The following PHF24 variants were observed in gnomAD, a reference collection of about 807,000 sequenced individuals.
PHF24 encodes the protein Galpha inhibitory interacting protein.
Under a neutral mutation model 42.6 loss-of-function variants are expected in PHF24, and 25 were observed. The ratio of observed to expected loss-of-function variants is 0.59; its 90% confidence interval spans 0.43 to 0.82. The LOEUF is 0.82. Ranked by LOEUF, PHF24 falls within the 40% of genes least tolerant of loss-of-function variation. The pLI, the probability that PHF24 is intolerant of heterozygous loss-of-function variation, is 0.00. For missense variants in PHF24, 470 were observed against 538.1 expected (o/e 0.87, Z 1.25); for synonymous variants, 185 against 204.8 (o/e 0.90, Z 0.83).
the PHF24 span, among the ~76,000 whole-genome samples, chr9:34,791,333 G>C: frequency 3.9e-5 from 6 of 152,174 alleles, no homozygotes; most frequent in Admixed American, 1.3e-4. Context: ...CTGAGTAACT[G>C]GGTGAAAGGA....
chr9:34,893,904 T>G, the PHF24 span, among the ~76,000 whole-genome samples: 1 of 152,226 alleles, frequency 6.6e-6, no homozygotes. Context: ...CTCTGCATTC[T>G]GAGAGCTATT....
At chr9:34,977,975 C>T (rs1478036575) in intron 7 of PHF24, 40 bp from the exon 8 acceptor site, 2 of 1,533,592 alleles carry the variant, frequency 1.3e-6, no homozygotes, top group Non-Finnish European at 1.8e-6. Context: ...CACGTGTCTT[C>T]AAACCAGCCT....
At chr9:34,966,207 C>T (rs752290825) in intron 1 of PHF24, among the ~76,000 whole-genome samples, 6 of 152,308 alleles carry the variant, frequency 3.9e-5, no homozygotes, top group Admixed American at 1.3e-4. Flanking sequence ...CCCCTCCTCC[C>T]GGAGTTTCTG....
chr9:34,798,205 TAA>T, the PHF24 span, among the ~76,000 whole-genome samples: 1 of 152,206 alleles, frequency 6.6e-6, no homozygotes, highest in Non-Finnish European at 1.5e-5. Context: ...TCTGTTAATA[TAA>T]GTCATAATTT....
chr9:34,977,955 G>T, intron 7 of PHF24, 60 bp from the exon 8 acceptor site: 2 of 1,308,544 alleles, frequency 1.5e-6, no homozygotes, highest in Non-Finnish European at 1.1e-6. Context: ...CTGCCCCTGG[G>T]ATCAGGGCTC....
At chr9:34,832,973 T>G in the PHF24 span, 3 of 1,551,684 alleles carry the variant, frequency 1.9e-6, no homozygotes, top group Non-Finnish European at 2.6e-6. Context: ...GGGGCTGTGT[T>G]GACAGGGATC....
At chr9:34,784,408 T>A in the PHF24 span, among the ~76,000 whole-genome samples, 3 of 152,230 alleles carry the variant, frequency 2.0e-5, no homozygotes, top group African/African-American at 7.2e-5. Context: ...TTAAATGTAC[T>A]ATGACCTTTT....
the PHF24 span, among the ~76,000 whole-genome samples, chr9:34,936,375 A>G: frequency 1.6e-4 from 25 of 152,086 alleles, no homozygotes; most frequent in Non-Finnish European, 2.8e-4. Flanking sequence ...TCAGTGCTCA[A>G]TGGTGCCCAG....
At chr9:34,832,802 C>T in the PHF24 span, 19 of 1,551,384 alleles carry the variant, frequency 1.2e-5, no homozygotes, top group South Asian at 2.3e-4. Context: ...AAGGCTGACC[C>T]TGTGAAGCTG....
At chr9:34,812,949 C>G in the PHF24 span, among the ~76,000 whole-genome samples, 1 of 152,200 alleles carries the variant, frequency 6.6e-6, no homozygotes, top group Non-Finnish European at 1.5e-5. Flanking sequence ...CCCCATCCCC[C>G]ACCTGACATT....
the PHF24 span, among the ~76,000 whole-genome samples, chr9:34,752,702 CT>C: frequency 1.3e-5 from 2 of 152,152 alleles, no homozygotes; most frequent in Non-Finnish European, 2.9e-5. Context: ...CAGTATTACC[CT>C]GACACCAAAA....
At chr9:34,962,844 T>G (rs1371889205) in intron 1 of PHF24, among the ~76,000 whole-genome samples, 1 of 152,230 alleles carries the variant, frequency 6.6e-6, no homozygotes, top group African/African-American at 2.4e-5. Flanking sequence ...CATGCCATAA[T>G]TTTGCTCTCA....
chr9:34,773,443 G>A, the PHF24 span, among the ~76,000 whole-genome samples: 1 of 152,054 alleles, frequency 6.6e-6, no homozygotes, highest in Non-Finnish European at 1.5e-5. Flanking sequence ...AAAAAAATTG[G>A]TGGAGATGTC....
At chr9:34,703,830 A>T in the PHF24 span, among the ~76,000 whole-genome samples, 67,692 of 151,362 alleles carry the variant, frequency 0.45, 16,196 homozygotes, top group African/African-American at 0.63. Context: ...CCTCCCAAAG[A>T]GCTGAGATTA....
the PHF24 span, among the ~76,000 whole-genome samples, chr9:34,823,822 C>T: frequency 0.049 from 7,412 of 152,182 alleles, 584 homozygotes; most frequent in African/African-American, 0.17. Context: ...CTGAGCCACA[C>T]ATGACTTCAG....
At chr9:34,942,654 T>C in the PHF24 span, among the ~76,000 whole-genome samples, 1 of 152,144 alleles carries the variant, frequency 6.6e-6, no homozygotes, top group African/African-American at 2.4e-5. Context: ...CTTTACTGAT[T>C]GGAATTGAAA....
At chr9:34,792,568 G>A in the PHF24 span, among the ~76,000 whole-genome samples, 2 of 152,134 alleles carry the variant, frequency 1.3e-5, no homozygotes, top group Non-Finnish European at 2.9e-5. Context: ...TACTCAGGAA[G>A]GCTGAGGCAG....
At chr9:34,766,082 A>T in the PHF24 span, among the ~76,000 whole-genome samples, 1 of 152,170 alleles carries the variant, frequency 6.6e-6, no homozygotes, top group Non-Finnish European at 1.5e-5. Context: ...TGTTAGTCTG[A>T]TGGGCTTCCC....
chr9:34,936,322 C>T, the PHF24 span, among the ~76,000 whole-genome samples: 24 of 152,328 alleles, frequency 1.6e-4, no homozygotes, highest in African/African-American at 5.8e-4. Flanking sequence ...CCGCCAGCCT[C>T]GGCCTCCGGA....
Sources: allele counts gnomAD v4.1 joint callset (sites outside exome capture counted in the v4.1 genomes callset), GRCh38; gene constraint gnomAD v4.1.1; transcripts MANE v1.5; gene names NCBI Gene and HGNC (gene_info 2026-07-23, HGNC 2026-07-21).